CCSER1: variants seen among roughly 807,000 people sequenced by gnomAD.
The protein encoded by CCSER1 is serine-rich coiled-coil domain-containing protein 1.
In CCSER1, 41 loss-of-function variants were observed where a neutral mutation model predicts 82.0. The ratio of observed to expected loss-of-function variants is 0.50; its 90% CI spans 0.39 to 0.65. The LOEUF (loss-of-function observed/expected upper bound fraction) is 0.65, where lower values mean the gene tolerates loss of function less well. Ranked by LOEUF, CCSER1 falls within the 30% of genes least tolerant of loss-of-function variation. CCSER1 has a pLI of 0.00. For synonymous variants in CCSER1, 414 were observed against 383.9 expected (o/e 1.08, Z -0.92); for missense variants, 1,119 against 1,064.2 (o/e 1.05, Z -0.72).
chr4:90,673,151 A>G (rs914032966), intron 6 of CCSER1, among the ~76,000 whole-genome samples: 8 of 152,014 alleles, frequency 5.3e-5, no homozygotes, highest in Non-Finnish European at 1.2e-4. Flanking sequence ...AATTTGTAAA[A>G]AGCACAATAA....
intron 5 of CCSER1, among the ~76,000 whole-genome samples, chr4:90,598,829 T>C (rs1027628515): frequency 6.6e-6 from 1 of 152,064 alleles, no homozygotes. Context: ...AATGGGGAGA[T>C]GAGCCTCTGA....
At position 91,226,528 on chromosome 4, in the gene CCSER1, G is replaced by C. The variant is rs529567880; in HGVS notation, c.2217+140534G>C. Among the ~76,000 whole-genome samples, 14 of 152,012 alleles carry C rather than the reference G, an allele frequency of 9.2e-5. No individual in the cohort carries two copies. The East Asian group carries it at 2.7e-3, about 29-fold the overall frequency. The stretch of plus-strand genomic sequence containing the variant: ...TTAATATATCTTTATGGGGGCATGT[G>C]AAGTGAATGGATAAATCTAAAGACA... On this transcript the variant is annotated intron_variant, in intron 10 of 10. Transcript: ENST00000509176.
intron 8 of CCSER1, among the ~76,000 whole-genome samples, chr4:90,874,918 T>C: frequency 6.6e-6 from 1 of 152,024 alleles, no homozygotes; most frequent in Admixed American, 6.6e-5. Context: ...TAGTGATGCA[T>C]TCCTATAGTC....
intron 9 of CCSER1, among the ~76,000 whole-genome samples, chr4:91,038,528 C>A (rs563105063): frequency 6.6e-6 from 1 of 152,092 alleles, no homozygotes; most frequent in Non-Finnish European, 1.5e-5. Context: ...TTTATTGTCC[C>A]CATTAAGTTG....
chr4:90,574,251 A>ATTTTTTTTTTTTTTTTT (rs777629017), intron 5 of CCSER1, among the ~76,000 whole-genome samples: 5 of 86,074 alleles, frequency 5.8e-5, no homozygotes, highest in African/African-American at 3.0e-4. Flanking sequence ...AAACACATTA[A>ATTTTTTTTTTTTTTTTT]TTTTTTTTTT....
chr4:91,281,293 C>T (rs1227643346), intron 10 of CCSER1, among the ~76,000 whole-genome samples: 8 of 152,092 alleles, frequency 5.3e-5, no homozygotes, highest in Admixed American at 3.9e-4. Flanking sequence ...TCTTTTGGTT[C>T]TTATCTGTGG....
At chr4:91,144,335 T>A (rs903227543) in intron 10 of CCSER1, among the ~76,000 whole-genome samples, 1 of 149,144 alleles carries the variant, frequency 6.7e-6, no homozygotes, top group South Asian at 2.1e-4. Flanking sequence ...CTGATTTGCA[T>A]ATTTGGATCT....
At chr4:90,639,332 A>G (rs1726057522) in intron 6 of CCSER1, among the ~76,000 whole-genome samples, 1 of 151,670 alleles carries the variant, frequency 6.6e-6, no homozygotes, top group South Asian at 2.1e-4. Context: ...ATTTACCAAT[A>G]ATTTTTAATA....
chr4:91,182,870 C>A (rs146891639), intron 10 of CCSER1, among the ~76,000 whole-genome samples: 1 of 152,176 alleles, frequency 6.6e-6, no homozygotes, highest in Non-Finnish European at 1.5e-5. Flanking sequence ...AGGATTAACT[C>A]CTCCTGTAAA....
chr4:91,242,912 C>A (rs1739480320), intron 10 of CCSER1, among the ~76,000 whole-genome samples: 1 of 152,160 alleles, frequency 6.6e-6, no homozygotes, highest in African/African-American at 2.4e-5. Context: ...TTTATAAATT[C>A]TCTGCACACA....
At chr4:90,173,125 A>T (rs1732028755) in intron 1 of CCSER1, among the ~76,000 whole-genome samples, 1 of 151,814 alleles carries the variant, frequency 6.6e-6, no homozygotes, top group Non-Finnish European at 1.5e-5. Context: ...TACAGGACAG[A>T]CAATCTGCTG....
intron 10 of CCSER1, among the ~76,000 whole-genome samples, chr4:91,187,192 C>A (rs78781788): frequency 3.3e-5 from 5 of 152,200 alleles, no homozygotes; most frequent in African/African-American, 1.2e-4. Context: ...AAATGAAACC[C>A]GTACCTCAGT....
intron 4 of CCSER1, among the ~76,000 whole-genome samples, chr4:90,403,521 GA>G (rs1451770121): frequency 8.3e-6 from 1 of 120,086 alleles, no homozygotes; most frequent in Non-Finnish European, 1.8e-5. Flanking sequence ...AAAAAAAAAA[GA>G]AAAAAGACCT....
intron 5 of CCSER1, among the ~76,000 whole-genome samples, chr4:90,613,258 G>C (rs1474053448): frequency 6.6e-6 from 1 of 152,150 alleles, no homozygotes. Context: ...ACTCAAGTCA[G>C]GCAAAAGATG....
Position 91,086,775 on chromosome 4 carries a change from T to C in CCSER1, c.2217+781T>C, listed in dbSNP as rs73834777. Among the ~76,000 whole-genome samples the C allele has an allele frequency of 4.8e-3, 731 of 152,238 alleles. 8 individuals carry two copies. Among genetic ancestry groups the C allele is most frequent in the African/African-American group, 0.016 (682 of 41,576 alleles). On this transcript the variant is annotated intron_variant, in intron 10 of 10. Coordinates refer to ENST00000509176, the MANE Select transcript of CCSER1 (RefSeq NM_001145065.2). ...ACAGATTTCTTCCCTATAGTGGTGCTTGCCAGCTTTCCTTTATGTTTTAAT... is the reference window on the plus strand; with the variant it reads ...ACAGATTTCTTCCCTATAGTGGTGCCTGCCAGCTTTCCTTTATGTTTTAAT...
chr4:90,298,565 G>A (rs530095465), intron 1 of CCSER1, among the ~76,000 whole-genome samples: 461 of 151,616 alleles, frequency 3.0e-3, no homozygotes, highest in African/African-American at 0.01. Context: ...TTGCTTTTCT[G>A]GTTCTTTTAA....
At chr4:90,253,705 T>C (rs2153443158) in intron 1 of CCSER1, among the ~76,000 whole-genome samples, 1 of 152,288 alleles carries the variant, frequency 6.6e-6, no homozygotes, top group South Asian at 2.1e-4. Context: ...CCAATGGGAT[T>C]CAATCTCTGA....
chr4:90,171,724 C>T (rs980651747), intron 1 of CCSER1, among the ~76,000 whole-genome samples: 7 of 151,788 alleles, frequency 4.6e-5, no homozygotes, highest in African/African-American at 1.2e-4. Context: ...GCACACAGAG[C>T]GGTAAACATT....
chr4:90,271,863 T>TATATATATATATA lies in CCSER1; in HGVS notation c.-41-36381_-41-36380insATATATATATATA, dbSNP rs61116868. On this transcript the variant is annotated intron_variant, in intron 1 of 10. Transcript: ENST00000509176. Reference sequence around the variant, plus strand: ...ATATATATATATATATATATATATATTTTTTTTTTTTTTTTTTTTTTTTTT... The same window carrying TATATATATATATA: ...ATATATATATATATATATATATATATATATATATATATATTTTTTTTTTTTTTTTTTTTTTTTT... Among the ~76,000 whole-genome samples, 90 of 19,632 alleles carry TATATATATATATA rather than the reference T, an allele frequency of 4.6e-3. 1 individual carries two copies. Among genetic ancestry groups the TATATATATATATA allele is most frequent in the African/African-American group, 0.01 (32 of 3,150 alleles). 12.9% of individuals were successfully genotyped at this position (19,632 alleles called of 152,430 possible). A position where few individuals can be genotyped will look rare whatever the true frequency, so the allele number is the denominator to read the frequency against.
Sources: gnomAD v4.1 joint callset for allele counts (sites outside exome capture counted in the v4.1 genomes callset) on GRCh38, gnomAD v4.1.1 for gene constraint, MANE v1.5 for transcripts, NCBI Gene and HGNC (gene_info 2026-07-23, HGNC 2026-07-21) for gene names.